GSDMC: variants seen among roughly 807,000 people sequenced by gnomAD.
GSDMC encodes the protein gasdermin-C.
A neutral mutation model predicts 58.0 loss-of-function variants in GSDMC; 59 were observed. The observed-to-expected ratio is 1.02, with a 90% CI of 0.82 to 1.26. The LOEUF is 1.26. Ranked by LOEUF, GSDMC falls within the 50% of genes most tolerant of loss-of-function variation. The pLI is 0.00. For synonymous variants in GSDMC, 241 were observed against 220.2 expected (o/e 1.09, Z -0.83); for missense variants, 659 against 598.5 (o/e 1.10, Z -1.06).
chr8:129,734,821 T>G, the GSDMC span, among the ~76,000 whole-genome samples: 1 of 152,142 alleles, frequency 6.6e-6, no homozygotes, highest in Non-Finnish European at 1.5e-5. Flanking sequence ...AATATTAACC[T>G]TAAATGTAAA....
chr8:129,758,992 C>A (rs186578288), intron 6 of GSDMC, among the ~76,000 whole-genome samples: 34 of 152,250 alleles, frequency 2.2e-4, no homozygotes, highest in African/African-American at 7.9e-4. Flanking sequence ...ACCAAAACAA[C>A]ATGATACTGC....
At chr8:129,727,308 C>G in the GSDMC span, among the ~76,000 whole-genome samples, 2 of 152,020 alleles carry the variant, frequency 1.3e-5, no homozygotes, top group Non-Finnish European at 2.9e-5. Flanking sequence ...TTGGAAATAG[C>G]AAGACAGTGC....
chr8:129,720,391 T>C, the GSDMC span, among the ~76,000 whole-genome samples: 1 of 152,210 alleles, frequency 6.6e-6, no homozygotes, highest in South Asian at 2.1e-4. Flanking sequence ...TCTTTTTTTG[T>C]CTAAATTCTC....
the GSDMC span, among the ~76,000 whole-genome samples, chr8:129,740,728 T>C: frequency 2.0e-5 from 3 of 152,196 alleles, no homozygotes; most frequent in Non-Finnish European, 4.4e-5. Context: ...TACACGACTA[T>C]ATATTTTGGA....
chr8:129,767,296 G>T (rs1159472890), intron 3 of GSDMC, among the ~76,000 whole-genome samples: 1 of 152,094 alleles, frequency 6.6e-6, no homozygotes, highest in African/African-American at 2.4e-5. Flanking sequence ...TGCCCAAATA[G>T]GGAGGCCAGC....
At position 129,749,623 on chromosome 8, in the gene GSDMC, G is replaced by T. The variant is rs975429194; in HGVS notation, c.1214-98C>A. ...GACCCCCTGAGAGAATAACTCCAAG[G>T]CAGAGGAATAAAACCCATTAGACTT... On this transcript the variant is annotated intron_variant, in intron 12 of 13. Coordinates refer to ENST00000276708, the MANE Select transcript of GSDMC (RefSeq NM_031415.3). 8 of 894,688 alleles carry T rather than the reference G, an allele frequency of 8.9e-6. No homozygotes were observed. The Admixed American group carries it at 1.1e-4, about 12-fold the overall frequency. The allele number at this position is 894,688 out of a possible 1,614,324, so 55.4% of individuals were successfully genotyped here.
At chr8:129,783,642 A>G (rs1455965537) in intron 1 of GSDMC, among the ~76,000 whole-genome samples, 1 of 152,230 alleles carries the variant, frequency 6.6e-6, no homozygotes, top group Admixed American at 6.5e-5. Flanking sequence ...GGAAGAATCA[A>G]TATTGTTAAA....
chr8:129,777,495 G>C lies in GSDMC; in HGVS notation c.93C>G (p.Thr31=), dbSNP rs2034274985. ...LTPVKYLLSA[T]KLRQFVILRK... Reference sequence around the variant, plus strand: ...GTAATATAACAAACTGACGTAATTTGGTGGCACTCAATAGGTATTTGACAG... The same window carrying C: ...GTAATATAACAAACTGACGTAATTTCGTGGCACTCAATAGGTATTTGACAG... Residue 31 remains threonine, a synonymous_variant, in exon 2 of 14, where the codon ACC becomes ACG. Coordinates refer to ENST00000276708, the MANE Select transcript of GSDMC (RefSeq NM_031415.3). The C allele has an allele frequency of 6.2e-7, 1 of 1,612,668 alleles. No individual in the cohort carries two copies. The highest frequency in any genetic ancestry group is 1.3e-5 in the African/African-American group (1 of 74,878).
chr8:129,718,196 C>CT, the GSDMC span, among the ~76,000 whole-genome samples: 12 of 152,110 alleles, frequency 7.9e-5, no homozygotes, highest in Non-Finnish European at 1.0e-4. Flanking sequence ...AACTAAAGAG[C>CT]TTTTGCACAG....
the GSDMC span, among the ~76,000 whole-genome samples, chr8:129,714,831 A>G: frequency 6.6e-6 from 1 of 152,232 alleles, no homozygotes; most frequent in Non-Finnish European, 1.5e-5. Context: ...AATTAAAAGA[A>G]GAGTGGCATA....
At chr8:129,730,544 T>C in the GSDMC span, 1 of 394,122 alleles carries the variant, frequency 2.5e-6, no homozygotes, top group South Asian at 5.1e-5. Context: ...AAAACATGAG[T>C]TAACACAGTT....
At chr8:129,720,872 T>C in the GSDMC span, among the ~76,000 whole-genome samples, 1 of 152,110 alleles carries the variant, frequency 6.6e-6, no homozygotes, top group Non-Finnish European at 1.5e-5. Flanking sequence ...TTCAGAGACG[T>C]AGTGAAAATA....
At chr8:129,772,053 A>T (rs2034070223) in intron 3 of GSDMC, among the ~76,000 whole-genome samples, 1 of 152,152 alleles carries the variant, frequency 6.6e-6, no homozygotes, top group Non-Finnish European at 1.5e-5. Flanking sequence ...TCATGAGGTC[A>T]GGAGATCGAG....
At chr8:129,728,126 A>G in the GSDMC span, among the ~76,000 whole-genome samples, 1 of 152,136 alleles carries the variant, frequency 6.6e-6, no homozygotes, top group African/African-American at 2.4e-5. Context: ...CTCTACACCC[A>G]GGCAGATCTC....
intron 4 of GSDMC, 43 bp downstream of exon 4, chr8:129,765,585 G>A: frequency 6.8e-7 from 1 of 1,468,434 alleles, no homozygotes; most frequent in East Asian, 2.3e-5. Flanking sequence ...AGGACTGGCT[G>A]TATTTTTTTG....
At chr8:129,745,087 A>T (rs1376760981), downstream of GSDMC, among the ~76,000 whole-genome samples, 1 of 152,132 alleles carries the variant, frequency 6.6e-6, no homozygotes, top group Non-Finnish European at 1.5e-5. Context: ...ATTCCAATCA[A>T]GTTTTCTTAC....
chr8:129,717,061 T>A, the GSDMC span, among the ~76,000 whole-genome samples: 1 of 152,136 alleles, frequency 6.6e-6, no homozygotes, highest in Non-Finnish European at 1.5e-5. Flanking sequence ...TCTTCAGGGA[T>A]ATTGGCCTGA....
the GSDMC span, among the ~76,000 whole-genome samples, chr8:129,718,153 A>G: frequency 1.5e-4 from 23 of 152,258 alleles, no homozygotes; most frequent in Non-Finnish European, 2.9e-4. Flanking sequence ...CGATGGCAAA[A>G]AAAAGCCAAA....
chr8:129,740,431 T>G, the GSDMC span, among the ~76,000 whole-genome samples: 5 of 152,184 alleles, frequency 3.3e-5, no homozygotes, highest in Non-Finnish European at 4.4e-5. Context: ...TATACAGGTG[T>G]ACCATTTTTA....
Sources: allele counts gnomAD v4.1 joint callset (sites outside exome capture counted in the v4.1 genomes callset), GRCh38; gene constraint gnomAD v4.1.1; transcripts MANE v1.5; gene names NCBI Gene and HGNC (gene_info 2026-07-23, HGNC 2026-07-21).